The following MCPH1 variants were observed in gnomAD, a reference collection of about 807,000 sequenced individuals.
MCPH1 encodes the protein microcephalin 1, also known as microcephalin.
A neutral mutation model predicts 84.5 loss-of-function variants in MCPH1; 104 were observed. The observed-to-expected ratio is 1.23, with a 90% CI of 1.05 to 1.45. The LOEUF (loss-of-function observed/expected upper bound fraction) is 1.45. MCPH1 is among the 40% of genes most tolerant of loss of function. The pLI, the probability that MCPH1 is intolerant of heterozygous loss-of-function variation, is 0.00. For synonymous variants in MCPH1, 514 were observed against 366.8 expected (o/e 1.40, Z -4.58); for missense variants, 1,498 against 1,005.7 (o/e 1.49, Z -6.62).
intron 12 of MCPH1, among the ~76,000 whole-genome samples, chr8:6,602,261 C>T (rs73511024): frequency 0.037 from 5,610 of 152,256 alleles, 360 homozygotes; most frequent in African/African-American, 0.13. Flanking sequence ...AAGAGCAGGG[C>T]GGTGCACACT....
At chr8:6,477,320 A>G (rs1808602933) in intron 9 of MCPH1, 1 of 424,118 alleles carries the variant, frequency 2.4e-6, no homozygotes, top group South Asian at 3.0e-5. Context: ...CTGCTGGCTA[A>G]CTGGTGGAAC....
intron 11 of MCPH1, 82 bp downstream of exon 11, chr8:6,480,958 T>G (rs1047172966): frequency 3.3e-6 from 5 of 1,507,438 alleles, no homozygotes; most frequent in Middle Eastern, 2.3e-4. Context: ...ACATCAGCAC[T>G]CAGGCCGGCG....
intron 9 of MCPH1, among the ~76,000 whole-genome samples, chr8:6,465,796 C>G (rs1483121693): frequency 6.6e-6 from 1 of 152,266 alleles, no homozygotes; most frequent in Non-Finnish European, 1.5e-5. Flanking sequence ...GGTAGACACA[C>G]AGAAATGCAC....
At chr8:6,531,648 C>G (rs983111023) in intron 12 of MCPH1, among the ~76,000 whole-genome samples, 4 of 152,182 alleles carry the variant, frequency 2.6e-5, no homozygotes, top group African/African-American at 7.2e-5. Flanking sequence ...CTCATAGAAT[C>G]TCACAGTGGA....
chr8:6,500,236 G>A (rs1811886305), intron 12 of MCPH1: 1 of 369,822 alleles, frequency 2.7e-6, no homozygotes, highest in South Asian at 2.5e-5. Context: ...CTTATATCTT[G>A]CTTAATGTTT....
intron 13 of MCPH1, among the ~76,000 whole-genome samples, chr8:6,632,485 T>C (rs1184031619): frequency 1.3e-5 from 2 of 152,154 alleles, no homozygotes; most frequent in African/African-American, 4.8e-5. Context: ...GACCTAATAC[T>C]GGTTTAAAAA....
intron 3 of MCPH1, among the ~76,000 whole-genome samples, chr8:6,430,552 T>C (rs535619803): frequency 8.6e-4 from 131 of 152,322 alleles, no homozygotes; most frequent in Non-Finnish European, 1.5e-3. Context: ...TTCTGAAACT[T>C]CCTTTATTCC....
chr8:6,574,965 T>C (rs1381422216), intron 12 of MCPH1, among the ~76,000 whole-genome samples: 3 of 152,086 alleles, frequency 2.0e-5, no homozygotes, highest in African/African-American at 7.2e-5. Flanking sequence ...AATGATGAGA[T>C]AAAGCAGTAA....
In MCPH1 at chr8:6,480,834, G is replaced by A. The variant is rs759720987; in HGVS notation, c.2094G>A (p.Leu698=). 18 of 1,614,098 alleles carry A rather than the reference G, an allele frequency of 1.1e-5. No homozygotes were observed. The South Asian group carries it at 2.0e-4, about 18-fold the overall frequency. ...SGKPLRTLNV[L]LGIARGCWVL... is the part of the protein sequence containing the mutation. Reference sequence around the variant, plus strand: ...AGCCACTTCGCACCCTGAATGTGCTGCTGGGAATTGCGCGTGGCTGCTGGG... The same window carrying A: ...AGCCACTTCGCACCCTGAATGTGCTACTGGGAATTGCGCGTGGCTGCTGGG... Residue 698 remains leucine, a synonymous_variant, in exon 11 of 14, where the codon CTG becomes CTA. Coordinates refer to ENST00000344683, the MANE Select transcript of MCPH1 (RefSeq NM_024596.5).
intron 12 of MCPH1, among the ~76,000 whole-genome samples, chr8:6,577,015 C>T (rs764972617): frequency 1.3e-5 from 2 of 152,100 alleles, no homozygotes; most frequent in Admixed American, 6.5e-5. Flanking sequence ...TGAGGAGGCC[C>T]CCTTTGCCAC....
At chr8:6,415,555 T>C (rs1194515159) in intron 3 of MCPH1, among the ~76,000 whole-genome samples, 2 of 152,052 alleles carry the variant, frequency 1.3e-5, no homozygotes, top group Non-Finnish European at 2.9e-5. Context: ...GGTTTTATCA[T>C]GTTGGCCAGG....
At chr8:6,588,289 T>G (rs1312946209) in intron 12 of MCPH1, among the ~76,000 whole-genome samples, 1 of 152,046 alleles carries the variant, frequency 6.6e-6, no homozygotes, top group Admixed American at 6.5e-5. Context: ...CAGTGATCCC[T>G]TGATAAAGCA....
At chr8:6,626,677 C>A (rs1290425481) in intron 13 of MCPH1, 3 of 984,622 alleles carry the variant, frequency 3.0e-6, no homozygotes, top group East Asian at 1.1e-4. Context: ...ACATATAATT[C>A]CCATTTTATA....
Position 6,505,462 on chromosome 8 carries a change from A to G in MCPH1, c.2214+5533A>G, listed in dbSNP as rs1161587526. On this transcript the variant is annotated intron_variant, in intron 12 of 13. Coordinates refer to ENST00000344683, the MANE Select transcript of MCPH1 (RefSeq NM_024596.5). ...TTCTTTATATACATATAGAATATAT[A>G]TATTCTTTACATATATAGAATATAT... is the stretch of plus-strand genomic sequence containing the variant. Among the ~76,000 whole-genome samples, 5 of 77,662 alleles carry G rather than the reference A, an allele frequency of 6.4e-5. No individual in the cohort carries two copies. In the East Asian group the frequency reaches 7.7e-4, roughly 12 times the overall value. The allele number at this position is 77,662 out of a possible 152,430, so 50.9% of individuals were successfully genotyped here.
In MCPH1 at chr8:6,556,820, C is replaced by T. The variant is rs1356539370; in HGVS notation, c.2214+56891C>T. ...ACCAGGCTGGTCTTGAACTCCTGGC[C>T]TCAAAGTGTCTTCCCATCTTGGCCT... is the stretch of plus-strand genomic sequence containing the variant. On this transcript the variant is annotated intron_variant, in intron 12 of 13. Coordinates refer to ENST00000344683, the MANE Select transcript of MCPH1 (RefSeq NM_024596.5). Among the ~76,000 whole-genome samples, 4 of 152,022 alleles carry T rather than the reference C, an allele frequency of 2.6e-5. 1 individual carries two copies. The East Asian group carries it at 7.7e-4, about 29-fold the overall frequency.
At chr8:6,433,076 C>G (rs1184222978) in intron 4 of MCPH1, among the ~76,000 whole-genome samples, 1 of 152,138 alleles carries the variant, frequency 6.6e-6, no homozygotes, top group Non-Finnish European at 1.5e-5. Flanking sequence ...GGTGAGTTGC[C>G]TTCTCTTCCC....
At chr8:6,594,194 G>A (rs1306238657) in intron 12 of MCPH1, among the ~76,000 whole-genome samples, 1 of 152,228 alleles carries the variant, frequency 6.6e-6, no homozygotes, top group African/African-American at 2.4e-5. Flanking sequence ...GTGTGCCCAG[G>A]TCATACCCAA....
intron 13 of MCPH1, among the ~76,000 whole-genome samples, chr8:6,634,401 A>G (rs1425969573): frequency 1.3e-5 from 2 of 152,224 alleles, no homozygotes; most frequent in African/African-American, 4.8e-5. Context: ...CTGATGAGAC[A>G]TGACCATTTG....
In MCPH1 at chr8:6,436,490, A is replaced by G. The variant is rs186666087; in HGVS notation, c.436+328A>G. Among the ~76,000 whole-genome samples, 259 of 152,228 alleles carry G rather than the reference A, an allele frequency of 1.7e-3. 1 individual carries two copies. Among genetic ancestry groups the G allele is most frequent in the Middle Eastern group, 3.4e-3 (1 of 294 alleles). On this transcript the variant is annotated intron_variant, in intron 5 of 13. Transcript: ENST00000344683. ...ATACCTATTTATTTCTTCTTTATAT[A>G]TAACTTTGTATTTTTACCTAATTGG...
Sources: allele counts gnomAD v4.1 joint callset (sites outside exome capture counted in the v4.1 genomes callset), GRCh38; gene constraint gnomAD v4.1.1; transcripts MANE v1.5; gene names NCBI Gene and HGNC (gene_info 2026-07-23, HGNC 2026-07-21).